Variants in CDH4 observed in about 807,000 individuals in gnomAD.
CDH4 encodes the protein cadherin 4, also known as cadherin-4.
A neutral mutation model predicts 86.0 loss-of-function variants in CDH4; 33 were observed. The observed-to-expected ratio is 0.38, with a 90% CI of 0.29 to 0.51. The LOEUF is 0.51. Ranked by LOEUF, CDH4 falls within the 20% of genes least tolerant of loss-of-function variation. CDH4 has a pLI of 0.86. For synonymous variants in CDH4, 555 were observed against 549.4 expected (o/e 1.01, Z -0.14); for missense variants, 1,114 against 1,307.4 (o/e 0.85, Z 2.28).
intron 2 of CDH4, among the ~76,000 whole-genome samples, chr20:61,456,685 G>C (rs755309060): frequency 1.3e-5 from 2 of 152,210 alleles, no homozygotes; most frequent in East Asian, 1.9e-4. Flanking sequence ...AAGATCTTGT[G>C]CACCTTCAGA....
intron 2 of CDH4, among the ~76,000 whole-genome samples, chr20:61,303,713 A>G (rs952374881): frequency 1.3e-5 from 2 of 152,084 alleles, no homozygotes; most frequent in African/African-American, 4.8e-5. Context: ...GGGAGCAGGG[A>G]GGAGGAGGTA....
At chr20:61,467,763 G>C (rs1465588364) in intron 2 of CDH4, among the ~76,000 whole-genome samples, 1 of 152,166 alleles carries the variant, frequency 6.6e-6, no homozygotes, top group Non-Finnish European at 1.5e-5. Flanking sequence ...CAAAGTTAGA[G>C]GGGACATTCT....
intron 2 of CDH4, among the ~76,000 whole-genome samples, chr20:61,413,967 G>A (rs2085133593): frequency 6.6e-6 from 1 of 152,156 alleles, no homozygotes; most frequent in African/African-American, 2.4e-5. Flanking sequence ...GGTTTCTCCT[G>A]AGGCTTCTCT....
At position 61,486,956 on chromosome 20, in the gene CDH4, AGGTAC is replaced by A. The variant is rs577932927; in HGVS notation, c.169+232020_169+232024del. On this transcript the variant is annotated intron_variant, in intron 2 of 15. Transcript: ENST00000614565. ...CTGGATATGGTAGATGCTTGAAGGG[AGGTAC>A]TGTTTTATTCTCGTGTGTACCCAGT... Among the ~76,000 whole-genome samples the A allele has an allele frequency of 1.3e-3, 196 of 152,260 alleles. 1 individual carries two copies. The highest frequency in any genetic ancestry group is 1.6e-3 in the Non-Finnish European group (107 of 68,018).
In CDH4 at chr20:61,879,711, TGCC is replaced by T. The variant is rs1474492925; in HGVS notation, c.1050+5815_1050+5817del. Among the ~76,000 whole-genome samples the T allele has an allele frequency of 6.6e-6, 1 of 152,120 alleles. No individual in the cohort carries two copies. Among genetic ancestry groups the T allele is most frequent in the Non-Finnish European group, 1.5e-5 (1 of 68,022 alleles). On this transcript the variant is annotated intron_variant, in intron 7 of 15. Transcript: ENST00000614565. This position sits in a 1 kb window ranked among gnomAD's most constrained non-coding sequence, Gnocchi z 4.1. ...TTATGGCCTAATGAGGAGGTGAACG[TGCC>T]GCCCGAGCCCCGTCCTGAAGGTGAG... is the stretch of plus-strand genomic sequence containing the variant.
chr20:61,923,775 C>T, intron 10 of CDH4, 71 bp downstream of exon 10: 2 of 1,427,632 alleles, frequency 1.4e-6, no homozygotes. Context: ...TCCAGAAATA[C>T]CCCATGAAAC....
chr20:61,339,825 T>C (rs1017381177), intron 2 of CDH4, among the ~76,000 whole-genome samples: 1 of 152,134 alleles, frequency 6.6e-6, no homozygotes, highest in African/African-American at 2.4e-5. Flanking sequence ...TGATGGAGAA[T>C]TTGAGAGGAC....
intron 2 of CDH4, among the ~76,000 whole-genome samples, chr20:61,460,672 G>T (rs912936263): frequency 3.0e-4 from 46 of 152,160 alleles, no homozygotes; most frequent in Non-Finnish European, 3.5e-4. Context: ...TGTTGAGTGG[G>T]TGTCCTAGGA....
At chr20:61,384,689 C>T (rs1479714142) in intron 2 of CDH4, among the ~76,000 whole-genome samples, 1 of 152,206 alleles carries the variant, frequency 6.6e-6, no homozygotes, top group Non-Finnish European at 1.5e-5. Context: ...GTCAGCTCAG[C>T]TACTAATCCT....
intron 9 of CDH4, among the ~76,000 whole-genome samples, chr20:61,918,676 G>A (rs1424203460): frequency 6.6e-6 from 1 of 152,132 alleles, no homozygotes; most frequent in Non-Finnish European, 1.5e-5. Flanking sequence ...ACCTAAGCGT[G>A]GTGTCGCGGT....
At position 61,829,038 on chromosome 20, in the gene CDH4, C is replaced by T. The variant is rs920532262; in HGVS notation, c.577-15630C>T. Among the ~76,000 whole-genome samples, 10 of 152,322 alleles carry T rather than the reference C, an allele frequency of 6.6e-5. No homozygotes were observed. In the East Asian group the frequency reaches 7.7e-4, roughly 12 times the overall value. On this transcript the variant is annotated intron_variant, in intron 4 of 15. Transcript: ENST00000614565. This position sits in a 1 kb window ranked among gnomAD's most constrained non-coding sequence, Gnocchi z 4.2. ...ATGCCACCACTGACATCATGGGAGG[C>T]GGAGCACTGGAGGCTCTGGCAGTCA...
At chr20:61,588,396 G>A (rs1169253079) in intron 2 of CDH4, among the ~76,000 whole-genome samples, 3 of 152,218 alleles carry the variant, frequency 2.0e-5, no homozygotes, top group African/African-American at 7.2e-5. Context: ...GCACAAGGCC[G>A]ATTATTTCTC....
chr20:61,520,771 G>A (rs897239101), intron 2 of CDH4, among the ~76,000 whole-genome samples: 4 of 152,174 alleles, frequency 2.6e-5, no homozygotes, highest in African/African-American at 4.8e-5. Context: ...ACAACCCCCC[G>A]TACTGCTTAT....
intron 2 of CDH4, among the ~76,000 whole-genome samples, chr20:61,351,208 A>T (rs149040520): frequency 6.7e-6 from 1 of 150,354 alleles, no homozygotes; most frequent in East Asian, 2.0e-4. Flanking sequence ...AAATATTCGG[A>T]GGAAGAATTG....
chr20:61,859,727 T>A (rs1460555807), intron 6 of CDH4, among the ~76,000 whole-genome samples: 2 of 152,254 alleles, frequency 1.3e-5, no homozygotes, highest in Admixed American at 1.3e-4. Flanking sequence ...GGTCTGTTCC[T>A]AGGTTTATTG....
At chr20:61,777,953 A>C (rs994306901) in intron 4 of CDH4, among the ~76,000 whole-genome samples, 8 of 151,440 alleles carry the variant, frequency 5.3e-5, no homozygotes, top group Non-Finnish European at 1.2e-4. Context: ...ACACACATGC[A>C]CACACGTGCA....
At chr20:61,494,102 G>A (rs952760008) in intron 2 of CDH4, among the ~76,000 whole-genome samples, 42 of 152,318 alleles carry the variant, frequency 2.8e-4, no homozygotes, top group African/African-American at 9.9e-4. Flanking sequence ...GGAGCAGGTG[G>A]AGACAGGAGC....
At chr20:61,457,695 G>A (rs1343038576) in intron 2 of CDH4, among the ~76,000 whole-genome samples, 3 of 149,626 alleles carry the variant, frequency 2.0e-5, no homozygotes, top group South Asian at 4.2e-4. Flanking sequence ...GTGGTGTTGG[G>A]ATGGTGATGG....
intron 4 of CDH4, among the ~76,000 whole-genome samples, chr20:61,776,108 A>G (rs1290686266): frequency 6.6e-6 from 1 of 152,184 alleles, no homozygotes; most frequent in Admixed American, 6.5e-5. Flanking sequence ...TCGGGTAAGG[A>G]TGGGCCCAGT....
Sources: gnomAD v4.1 joint callset for allele counts (sites outside exome capture counted in the v4.1 genomes callset) on GRCh38, gnomAD v4.1.1 for gene constraint, Gnocchi (gnomAD v3.1) non-coding constraint, MANE v1.5 for transcripts, NCBI Gene and HGNC (gene_info 2026-07-23, HGNC 2026-07-21) for gene names.